Variants in CYRIB observed in about 807,000 individuals in gnomAD.
CYRIB encodes CYFIP-related Rac1 interactor B.
CYRIB carries 8 observed loss-of-function variants against 44.2 expected under a neutral mutation model. The observed-to-expected ratio is 0.18, with a 90% CI of 0.11 to 0.33. CYRIB has a LOEUF of 0.33. Ranked by LOEUF, CYRIB falls within the 10% of genes least tolerant of loss-of-function variation. CYRIB has a pLI of 1.00. For missense variants in CYRIB, 185 were observed against 382.8 expected (o/e 0.48, Z 4.31); for synonymous variants, 131 against 127.2 (o/e 1.03, Z -0.20).
chr8:129,943,698 A>C (rs2093917560), upstream of CYRIB, among the ~76,000 whole-genome samples: 2 of 135,556 alleles, frequency 1.5e-5, no homozygotes, highest in African/African-American at 5.5e-5. Context: ...TCCCGGGTTC[A>C]CGCCATTCTC....
intron 11 of CYRIB, among the ~76,000 whole-genome samples, chr8:129,843,539 T>C (rs1216692282): frequency 6.6e-6 from 1 of 152,232 alleles, no homozygotes; most frequent in Non-Finnish European, 1.5e-5. Flanking sequence ...GAAATCTGGT[T>C]CACAAGAATT....
chr8:129,909,101 T>G (rs2076824250), intron 1 of CYRIB, among the ~76,000 whole-genome samples: 1 of 152,086 alleles, frequency 6.6e-6, no homozygotes, highest in East Asian at 1.9e-4. Flanking sequence ...CAAGAAATTC[T>G]TAATCTCTAT....
At chr8:129,934,299 TG>T (rs918677763) in intron 1 of CYRIB, among the ~76,000 whole-genome samples, 101 of 152,180 alleles carry the variant, frequency 6.6e-4, no homozygotes, top group African/African-American at 2.2e-3. Flanking sequence ...TTACACTCAA[TG>T]ACTAACAATG....
intron 10 of CYRIB, among the ~76,000 whole-genome samples, chr8:129,847,778 G>A (rs1419534507): frequency 1.3e-5 from 2 of 152,160 alleles, no homozygotes; most frequent in African/African-American, 4.8e-5. Context: ...GGAAGCCAGA[G>A]AAATGTGGGT....
Position 129,883,043 on chromosome 8 carries a change from G to A in CYRIB, c.-10-3572C>T, listed in dbSNP as rs142101991. ...AAACCCCGTCTCTACTAAAGGAGGC[G>A]GCAGTTGTAGGGAGCCAAGATCACG... On this transcript the variant is annotated intron_variant, in intron 2 of 11. Transcript: ENST00000519824. 5.0e-4 allele frequency among the ~76,000 whole-genome samples: 74 copies of A among 147,298 alleles called. No individual in the cohort carries two copies. In the South Asian group the frequency reaches 0.011, roughly 21 times the overall value.
chr8:129,869,439 C>G (rs1310390701), intron 4 of CYRIB, among the ~76,000 whole-genome samples: 1 of 149,112 alleles, frequency 6.7e-6, no homozygotes, highest in African/African-American at 2.5e-5. Flanking sequence ...GTCTCTATAG[C>G]GAGTAAGATT....
intron 1 of CYRIB, among the ~76,000 whole-genome samples, chr8:130,013,911 T>C (rs1023278918): frequency 6.6e-6 from 1 of 152,184 alleles, no homozygotes; most frequent in African/African-American, 2.4e-5. Flanking sequence ...ACACGTACTG[T>C]TTCCTGCATG....
chr8:129,895,794 C>A (rs982119858), intron 2 of CYRIB, among the ~76,000 whole-genome samples: 5 of 152,136 alleles, frequency 3.3e-5, no homozygotes. Context: ...TCTTGAACTC[C>A]TAGGCTCAAG....
intron 1 of CYRIB, among the ~76,000 whole-genome samples, chr8:129,924,101 C>T (rs2085671298): frequency 2.0e-5 from 1 of 49,032 alleles, no homozygotes; most frequent in Non-Finnish European, 4.2e-5. Context: ...GAGATTCTAT[C>T]TCCACCCCAA....
chr8:129,916,824 TAAGTATTTTACAACG>T (rs2081036436), intron 1 of CYRIB, among the ~76,000 whole-genome samples: 1 of 152,198 alleles, frequency 6.6e-6, no homozygotes, highest in African/African-American at 2.4e-5. Context: ...ATGCAGTGCT[TAAGTATTTTACAACG>T]AAGGGAAACA....
At chr8:129,879,816 T>C (rs891515169) in intron 2 of CYRIB, 4 of 209,294 alleles carry the variant, frequency 1.9e-5, no homozygotes, top group African/African-American at 9.4e-5. Flanking sequence ...TGATCAAGAA[T>C]TATTTACATG....
chr8:129,876,551 T>G (rs1012013285), intron 3 of CYRIB, among the ~76,000 whole-genome samples: 2 of 152,130 alleles, frequency 1.3e-5, no homozygotes, highest in Admixed American at 6.5e-5. Flanking sequence ...ACAGGGGTCA[T>G]GAGAGGAGTA....
At chr8:129,962,302 G>C (rs1273491315) in intron 2 of CYRIB, among the ~76,000 whole-genome samples, 2 of 151,930 alleles carry the variant, frequency 1.3e-5, no homozygotes, top group African/African-American at 4.8e-5. Flanking sequence ...AAAAAAATTA[G>C]CTAGGTGTGA....
intron 1 of CYRIB, among the ~76,000 whole-genome samples, chr8:129,929,950 T>C (rs1489825285): frequency 6.6e-6 from 1 of 152,148 alleles, no homozygotes; most frequent in Non-Finnish European, 1.5e-5. Flanking sequence ...CGGTGGCTCA[T>C]GCGTGCAATC....
chr8:129,942,468 C>G (rs1268245533), upstream of CYRIB, among the ~76,000 whole-genome samples: 1 of 152,228 alleles, frequency 6.6e-6, no homozygotes, highest in Non-Finnish European at 1.5e-5. Context: ...GTAAGTTCTT[C>G]CATTACCCCA....
At chr8:129,965,665 G>A (rs1262787666) in intron 2 of CYRIB, among the ~76,000 whole-genome samples, 1 of 151,754 alleles carries the variant, frequency 6.6e-6, no homozygotes, top group African/African-American at 2.4e-5. Flanking sequence ...GCGTGGTGGT[G>A]GGTGCCTGTA....
intron 1 of CYRIB, among the ~76,000 whole-genome samples, chr8:130,013,302 C>T (rs771090739): frequency 6.6e-6 from 1 of 152,158 alleles, no homozygotes; most frequent in African/African-American, 2.4e-5. Flanking sequence ...TCCAAGAAGG[C>T]AACAAACTTG....
At chr8:129,910,626 T>C (rs1468962275) in intron 1 of CYRIB, among the ~76,000 whole-genome samples, 1 of 151,672 alleles carries the variant, frequency 6.6e-6, no homozygotes, top group Non-Finnish European at 1.5e-5. Context: ...AGCAAGACCA[T>C]ATACACACAA....
chr8:129,968,410 TTC>T (rs2095567431), intron 2 of CYRIB, among the ~76,000 whole-genome samples: 1 of 152,250 alleles, frequency 6.6e-6, no homozygotes, highest in South Asian at 2.1e-4. Flanking sequence ...ATCATTTTAT[TTC>T]TTTTTTCTTG....
Sources: allele counts gnomAD v4.1 joint callset (sites outside exome capture counted in the v4.1 genomes callset), GRCh38; gene constraint gnomAD v4.1.1; transcripts MANE v1.5; gene names NCBI Gene and HGNC (gene_info 2026-07-23, HGNC 2026-07-21).